PPP2R3A: variants seen among roughly 807,000 people sequenced by gnomAD.
The protein encoded by PPP2R3A is protein phosphatase 2 regulatory subunit B''alpha, also known as serine/threonine-protein phosphatase 2A regulatory subunit B'' subunit alpha.
In PPP2R3A, 80 loss-of-function variants were observed where a neutral mutation model predicts 106.9. The observed-to-expected ratio is 0.75, with a 90% CI of 0.62 to 0.90. PPP2R3A has a LOEUF of 0.90. Among genes scored for constraint, PPP2R3A ranks in the 40% least tolerant of loss-of-function variants. PPP2R3A has a pLI of 0.00. For synonymous variants in PPP2R3A, 483 were observed against 468.3 expected, an observed-to-expected ratio of 1.03 and a Z score of -0.41; for missense variants, 1,386 against 1,350.4, an observed-to-expected ratio of 1.03 and a Z score of -0.41.
intron 5 of PPP2R3A, among the ~76,000 whole-genome samples, chr3:136,051,452 C>T (rs1248552385): frequency 1.3e-5 from 2 of 152,152 alleles, no homozygotes; most frequent in African/African-American, 4.8e-5. Flanking sequence ...GCCTCAGCCT[C>T]CCAAGTAGCA....
chr3:136,013,180 G>GTGTGTGTGTA (rs1160060556), intron 2 of PPP2R3A, among the ~76,000 whole-genome samples: 4 of 142,168 alleles, frequency 2.8e-5, no homozygotes, highest in African/African-American at 1.0e-4. Context: ...GTGTGTGTGT[G>GTGTGTGTGTA]TGTATGTATG....
At chr3:136,110,372 A>AT (rs1274634036) in intron 13 of PPP2R3A, among the ~76,000 whole-genome samples, 2 of 152,170 alleles carry the variant, frequency 1.3e-5, no homozygotes, top group Non-Finnish European at 2.9e-5. Context: ...CCAACACTAG[A>AT]ACCAGTTTCT....
intron 5 of PPP2R3A, among the ~76,000 whole-genome samples, chr3:136,067,575 G>A (rs1364717493): frequency 1.3e-5 from 2 of 152,206 alleles, no homozygotes; most frequent in Non-Finnish European, 2.9e-5. Context: ...TACCAAAGAG[G>A]AGAGAACTGC....
chr3:136,055,416 G>A (rs1935828398), intron 5 of PPP2R3A: 12 of 1,019,436 alleles, frequency 1.2e-5, no homozygotes, highest in Admixed American at 1.7e-5. Flanking sequence ...GTTGCTCTCC[G>A]AGGTGCCATA....
At chr3:136,078,737 A>C (rs548129773) in intron 7 of PPP2R3A, among the ~76,000 whole-genome samples, 1 of 152,282 alleles carries the variant, frequency 6.6e-6, no homozygotes, top group South Asian at 2.1e-4. Context: ...CATGGATAAA[A>C]CGTACAGAGG....
chr3:136,039,602 C>A (rs952312299), intron 3 of PPP2R3A, among the ~76,000 whole-genome samples: 23 of 149,960 alleles, frequency 1.5e-4, no homozygotes, highest in Non-Finnish European at 2.6e-4. Flanking sequence ...CTATAACAAT[C>A]TGATGCTGCC....
chr3:136,049,743 G>A (rs1305311220), intron 5 of PPP2R3A, among the ~76,000 whole-genome samples: 1 of 152,124 alleles, frequency 6.6e-6, no homozygotes, highest in African/African-American at 2.4e-5. Context: ...TAAGAACCTG[G>A]TAGAAAGAAA....
At chr3:136,022,568 A>T (rs1377023356) in intron 2 of PPP2R3A, among the ~76,000 whole-genome samples, 1 of 152,170 alleles carries the variant, frequency 6.6e-6, no homozygotes, top group African/African-American at 2.4e-5. Flanking sequence ...GAAAAAGCCG[A>T]AAATGTTCTA....
chr3:136,093,386 G>T (rs189879964), intron 10 of PPP2R3A, among the ~76,000 whole-genome samples: 130 of 152,226 alleles, frequency 8.5e-4, no homozygotes, highest in African/African-American at 3.1e-3. Flanking sequence ...TCCAACCTGG[G>T]TGACAGAGTA....
chr3:136,011,312 C>G (rs540125063), intron 2 of PPP2R3A, among the ~76,000 whole-genome samples: 68 of 152,176 alleles, frequency 4.5e-4, no homozygotes, highest in Non-Finnish European at 7.4e-4. Flanking sequence ...AGAATGAAAC[C>G]TCTATGAGAA....
At chr3:136,055,966 T>A (rs765350787) in intron 5 of PPP2R3A, among the ~76,000 whole-genome samples, 1 of 152,198 alleles carries the variant, frequency 6.6e-6, no homozygotes, top group Non-Finnish European at 1.5e-5. Context: ...TGACAGATAC[T>A]ACCTCAGTCT....
At chr3:135,997,542 T>C (rs559871122) in intron 1 of PPP2R3A, among the ~76,000 whole-genome samples, 23 of 152,324 alleles carry the variant, frequency 1.5e-4, no homozygotes, top group African/African-American at 5.5e-4. Flanking sequence ...CCCAGATCTT[T>C]CTGCTGACCT....
rs781135668 is a variant in PPP2R3A at position 136,102,023 on chromosome 3, C to T, written c.2944C>T (p.Arg982Cys). ...ATCATCTAGCATTGAGTATTGGTTC[C>T]GCTGCATGGATGTGGATGGAGACGG... ...RNPTSIEYWFRCMDVDGDGVL... is the reference protein window; with the variant it reads ...RNPTSIEYWFCCMDVDGDGVL... The change falls in exon 11 of 14, where the codon CGC becomes TGC. Residue 982 changes from arginine (R) to cysteine (C), a missense_variant. Coordinates refer to ENST00000264977, the MANE Select transcript of PPP2R3A (RefSeq NM_002718.5). The T allele has an allele frequency of 1.1e-5, 17 of 1,613,416 alleles. No homozygotes were observed. Among genetic ancestry groups the T allele is most frequent in the East Asian group, 2.2e-5 (1 of 44,852 alleles).
intron 5 of PPP2R3A, among the ~76,000 whole-genome samples, chr3:136,049,694 A>G (rs1935612420): frequency 6.6e-6 from 1 of 152,220 alleles, no homozygotes; most frequent in Non-Finnish European, 1.5e-5. Flanking sequence ...AAATGATAGA[A>G]TGCAAGAAGA....
At chr3:136,038,702 C>T (rs998755055) in intron 3 of PPP2R3A, among the ~76,000 whole-genome samples, 33 of 152,164 alleles carry the variant, frequency 2.2e-4, no homozygotes, top group African/African-American at 8.0e-4. Context: ...GCCACTAGCC[C>T]ATCACTAAGA....
chr3:136,068,304 T>G (rs1936322653), intron 5 of PPP2R3A, among the ~76,000 whole-genome samples: 1 of 151,890 alleles, frequency 6.6e-6, no homozygotes, highest in South Asian at 2.1e-4. Context: ...ATGATGATAG[T>G]ATAGGATTAT....
chr3:136,122,955 T>C (rs1409891157), intron 13 of PPP2R3A, among the ~76,000 whole-genome samples: 1 of 152,196 alleles, frequency 6.6e-6, no homozygotes, highest in Non-Finnish European at 1.5e-5. Context: ...ATTTAATATA[T>C]TTTGTAGTTT....
rs1933622568 is a variant in PPP2R3A at position 136,001,580 on chromosome 3, A to G, written c.82A>G (p.Ile28Val). ...VVIDRRFEQAIHYCTGTCHTF... is the reference protein window; with the variant it reads ...VVIDRRFEQAVHYCTGTCHTF... ...GATAGACCGGCGTTTTGAACAAGCT[A>G]TACATTATTGCACTGGAACCTGCCA... The change falls in exon 2 of 14, where the codon ATA (isoleucine) becomes GTA (valine). Residue 28 changes from isoleucine (I) to valine (V), a missense_variant. Physicochemically the swap from Ile to Val is conservative, Grantham distance 29. Coordinates refer to ENST00000264977, the MANE Select transcript of PPP2R3A (RefSeq NM_002718.5). The G allele has an allele frequency of 6.2e-7, 1 of 1,614,182 alleles. No individual in the cohort carries two copies. The highest frequency in any genetic ancestry group is 8.5e-7 in the Non-Finnish European group (1 of 1,180,008).
chr3:136,048,571 C>T (rs946026251), intron 4 of PPP2R3A, among the ~76,000 whole-genome samples: 2 of 151,754 alleles, frequency 1.3e-5, no homozygotes, highest in African/African-American at 4.8e-5. Flanking sequence ...ACTCTGGAGG[C>T]TGAGGCAGGA....
Sources: gnomAD v4.1 joint callset for allele counts (sites outside exome capture counted in the v4.1 genomes callset) on GRCh38, gnomAD v4.1.1 for gene constraint, MANE v1.5 for transcripts, NCBI Gene and HGNC (gene_info 2026-07-23, HGNC 2026-07-21) for gene names.